Variants in GSG1L observed in about 807,000 individuals in gnomAD.
GSG1L encodes the protein germ cell-specific gene 1-like protein.
Under a neutral mutation model 42.1 loss-of-function variants are expected in GSG1L, and 24 were observed. That is an observed-to-expected ratio of 0.57 (90% CI 0.41 to 0.80). GSG1L has a LOEUF of 0.80. GSG1L is among the 30% of genes least tolerant of loss of function. The pLI is 0.00. For synonymous variants in GSG1L, 215 were observed against 203.5 expected, an observed-to-expected ratio of 1.06 and a Z score of -0.48; for missense variants, 445 against 472.2, an observed-to-expected ratio of 0.94 and a Z score of 0.53.
chr16:27,960,241 C>G (rs2085053264), intron 2 of GSG1L, among the ~76,000 whole-genome samples: 1 of 152,086 alleles, frequency 6.6e-6, no homozygotes, highest in Non-Finnish European at 1.5e-5. Context: ...GAGAACCAGA[C>G]ATTTAAGAGC....
rs2141029288 is a variant in GSG1L, at chr16:27,888,491, CTTTCTTTCTTTCTTT to C, written c.398-3868_398-3854del. Among the ~76,000 whole-genome samples, 9 of 5,998 alleles carry C rather than the reference CTTTCTTTCTTTCTTT, an allele frequency of 1.5e-3. 1 individual carries two copies. The highest frequency in any genetic ancestry group is 8.2e-3 in the South Asian group (1 of 122). 3.9% of individuals were successfully genotyped at this position (5,998 alleles called of 152,430 possible). A position where few individuals can be genotyped will look rare whatever the true frequency, so the allele number is the denominator to read the frequency against. On this transcript the variant is annotated intron_variant, in intron 2 of 6. Transcript: ENST00000447459. ...CTCTCTCTCTCTCTTTCCTTTCTTT[CTTTCTTTCTTTCTTT>C]CTTTCTTTCTTTCTTTCTTTCTTTC...
chr16:28,046,547 G>GGTTTCACCGT, intron 1 of GSG1L, among the ~76,000 whole-genome samples: 1 of 152,048 alleles, frequency 6.6e-6, no homozygotes, highest in East Asian at 1.9e-4. Flanking sequence ...TAGAGACGGG[G>GGTTTCACCGT]GTTTCACCGT....
intron 1 of GSG1L, among the ~76,000 whole-genome samples, chr16:28,011,689 G>A (rs2085720431): frequency 6.6e-6 from 1 of 152,180 alleles, no homozygotes; most frequent in African/African-American, 2.4e-5. Context: ...CGGCCATCGA[G>A]GACCATGTGG....
intron 6 of GSG1L, among the ~76,000 whole-genome samples, chr16:27,799,095 G>A (rs984522940): frequency 6.6e-6 from 1 of 152,100 alleles, no homozygotes; most frequent in African/African-American, 2.4e-5. Flanking sequence ...TTTCACTGAG[G>A]AGAGGCTGGA....
intron 2 of GSG1L, among the ~76,000 whole-genome samples, chr16:27,888,927 G>GATATATATAGATATAGAT (rs1555506438): frequency 7.0e-6 from 1 of 142,110 alleles, no homozygotes; most frequent in East Asian, 2.2e-4. Flanking sequence ...CTTGTGCTTA[G>GATATATATAGATATAGAT]ATAGATATAG....
chr16:27,867,498 T>C (rs903197103), intron 3 of GSG1L, among the ~76,000 whole-genome samples: 2 of 152,168 alleles, frequency 1.3e-5, no homozygotes, highest in African/African-American at 2.4e-5. Flanking sequence ...CCATGAGCTG[T>C]GGCAGGTGGT....
At position 27,851,519 on chromosome 16, in the gene GSG1L, AC is replaced by A. The variant is rs368667884; in HGVS notation, c.551-6459del. ...TGGATCTGAGTTCTTAAGCAGATTC[AC>A]CCCCCTTCTCTCCAGCAAGCTGGAG... On this transcript the variant is annotated intron_variant, in intron 3 of 6. Coordinates refer to ENST00000447459, the MANE Select transcript of GSG1L (RefSeq NM_001109763.2). Among the ~76,000 whole-genome samples the A allele has an allele frequency of 3.5e-3, 534 of 151,472 alleles. 3 individuals carry two copies. The highest frequency in any genetic ancestry group is 0.012 in the African/African-American group (496 of 41,224).
intron 1 of GSG1L, among the ~76,000 whole-genome samples, chr16:27,964,782 G>T (rs2085110828): frequency 6.6e-6 from 1 of 152,328 alleles, no homozygotes; most frequent in East Asian, 1.9e-4. Context: ...GGGAAGGGTA[G>T]TAGGGGATTG....
intron 5 of GSG1L, among the ~76,000 whole-genome samples, chr16:27,810,465 G>C (rs755256139): frequency 2.6e-5 from 4 of 152,098 alleles, no homozygotes; most frequent in Non-Finnish European, 5.9e-5. Flanking sequence ...GTGATACCCT[G>C]TCTCAAAAAG....
intron 2 of GSG1L, among the ~76,000 whole-genome samples, chr16:27,928,412 C>G (rs1185150380): frequency 1.3e-5 from 2 of 152,236 alleles, no homozygotes; most frequent in African/African-American, 4.8e-5. Context: ...GAGCGACACT[C>G]CTGTGTGGGT....
At chr16:27,832,598 G>A (rs2083284468) in intron 4 of GSG1L, among the ~76,000 whole-genome samples, 1 of 152,170 alleles carries the variant, frequency 6.6e-6, no homozygotes, top group Non-Finnish European at 1.5e-5. Context: ...CAATGTATGA[G>A]TTTCTTCACA....
chr16:27,977,559 CAAAAAAAAA>C (rs34588077), intron 1 of GSG1L, among the ~76,000 whole-genome samples: 2 of 44,946 alleles, frequency 4.4e-5, no homozygotes, highest in African/African-American at 9.4e-5. Context: ...CACCCTGCCT[CAAAAAAAAA>C]AAAAAAAAAA....
At chr16:27,888,924 TTAGA>T (rs1315610150) in intron 2 of GSG1L, among the ~76,000 whole-genome samples, 4 of 80,020 alleles carry the variant, frequency 5.0e-5, no homozygotes, top group African/African-American at 1.4e-4. Flanking sequence ...TGGCTTGTGC[TTAGA>T]TAGATATAGA....
chr16:27,899,361 G>A (rs890737788), intron 2 of GSG1L, among the ~76,000 whole-genome samples: 7 of 152,140 alleles, frequency 4.6e-5, no homozygotes, highest in Admixed American at 1.3e-4. Flanking sequence ...AAGTTACCTC[G>A]CCTCTCTGAG....
intron 5 of GSG1L, among the ~76,000 whole-genome samples, chr16:27,816,064 C>G (rs1224464211): frequency 3.3e-5 from 5 of 152,208 alleles, no homozygotes; most frequent in Non-Finnish European, 5.9e-5. Context: ...ATTATTGTTA[C>G]TGTTGTCACC....
intron 1 of GSG1L, among the ~76,000 whole-genome samples, chr16:27,999,468 T>G (rs1394817693): frequency 6.6e-6 from 1 of 152,196 alleles, no homozygotes; most frequent in Non-Finnish European, 1.5e-5. Context: ...AGTGCACTAT[T>G]TAATACATAA....
rs181220832 is a variant in GSG1L, at chr16:27,856,709, G to C, written c.551-11648C>G. Among the ~76,000 whole-genome samples the C allele has an allele frequency of 1.5e-4, 23 of 152,320 alleles. 1 individual carries two copies. Among genetic ancestry groups the C allele is most frequent in the Admixed American group, 9.1e-4 (14 of 15,302 alleles). On this transcript the variant is annotated intron_variant, in intron 3 of 6. Transcript: ENST00000447459. ...TTTCATTTCCAGTGGTGATCTGAAG[G>C]TTCCTTTCTGAATGAATTTATGTTG...
intron 1 of GSG1L, among the ~76,000 whole-genome samples, chr16:28,052,590 A>G (rs2086232417): frequency 6.6e-6 from 1 of 152,178 alleles, no homozygotes; most frequent in African/African-American, 2.4e-5. Context: ...ACAGCCATGG[A>G]AAATCAGAGA....
At chr16:27,981,431 A>G (rs1009559159) in intron 1 of GSG1L, among the ~76,000 whole-genome samples, 12 of 152,040 alleles carry the variant, frequency 7.9e-5, no homozygotes, top group African/African-American at 2.9e-4. Flanking sequence ...CAGCTGGGGG[A>G]AAAAAATGCC....
Sources: gnomAD v4.1 joint callset for allele counts (sites outside exome capture counted in the v4.1 genomes callset) on GRCh38, gnomAD v4.1.1 for gene constraint, MANE v1.5 for transcripts, NCBI Gene and HGNC (gene_info 2026-07-23, HGNC 2026-07-21) for gene names.